The following LRRTM3 variants were observed in gnomAD, a reference collection of about 807,000 sequenced individuals.
LRRTM3 encodes leucine rich repeat transmembrane neuronal 3, also known as leucine-rich repeat transmembrane neuronal protein 3.
LRRTM3 carries 24 observed loss-of-function variants against 44.7 expected under a neutral mutation model. The ratio of observed to expected loss-of-function variants is 0.54; its 90% confidence interval spans 0.39 to 0.76. The LOEUF is 0.76. Among genes scored for constraint, LRRTM3 ranks in the 30% least tolerant of loss-of-function variants. The pLI is 0.00. For synonymous variants in LRRTM3, 277 were observed against 278.7 expected (o/e 0.99, Z 0.06); for missense variants, 587 against 702.2 (o/e 0.84, Z 1.85).
At chr10:67,011,561 A>G (rs942968161) in intron 2 of LRRTM3, among the ~76,000 whole-genome samples, 16 of 152,132 alleles carry the variant, frequency 1.1e-4, no homozygotes, top group African/African-American at 3.9e-4. Context: ...CTATTCCATA[A>G]CATGTACATG....
At chr10:66,966,209 GA>G (rs1849401968) in intron 2 of LRRTM3, among the ~76,000 whole-genome samples, 1 of 152,046 alleles carries the variant, frequency 6.6e-6, no homozygotes, top group South Asian at 2.1e-4. Flanking sequence ...ATTAATAAAC[GA>G]AAACAATTTT....
intron 2 of LRRTM3, among the ~76,000 whole-genome samples, chr10:67,056,943 G>T (rs78031898): frequency 1.3e-5 from 2 of 152,150 alleles, no homozygotes; most frequent in African/African-American, 4.8e-5. Flanking sequence ...GGGTGCAAAA[G>T]AGTGGGAACT....
chr10:67,094,303 A>G (rs898551465), intron 2 of LRRTM3, among the ~76,000 whole-genome samples: 2 of 151,858 alleles, frequency 1.3e-5, no homozygotes, highest in African/African-American at 4.8e-5. Flanking sequence ...TTCTAACGAA[A>G]TAAGTATTTC....
At chr10:67,074,513 G>T (rs1184733004) in intron 2 of LRRTM3, among the ~76,000 whole-genome samples, 1 of 151,542 alleles carries the variant, frequency 6.6e-6, no homozygotes, top group Admixed American at 6.6e-5. Flanking sequence ...ACCACGCCCG[G>T]CTAATTTTCT....
intron 2 of LRRTM3, among the ~76,000 whole-genome samples, chr10:67,003,338 T>C (rs983311345): frequency 6.6e-6 from 1 of 152,150 alleles, no homozygotes; most frequent in Non-Finnish European, 1.5e-5. Flanking sequence ...CTTGAACTAT[T>C]CCTGGCATAA....
intron 2 of LRRTM3, among the ~76,000 whole-genome samples, chr10:67,086,325 T>C (rs114545524): frequency 5.7e-4 from 86 of 152,172 alleles, no homozygotes; most frequent in African/African-American, 2.0e-3. Flanking sequence ...GCATACAGAA[T>C]ATCACTTCAT....
chr10:66,978,948 C>T (rs1007783257), intron 2 of LRRTM3, among the ~76,000 whole-genome samples: 2 of 146,650 alleles, frequency 1.4e-5, no homozygotes, highest in Admixed American at 1.4e-4. Context: ...CCACTCCTCA[C>T]ATACTTATTT....
chr10:67,007,173 C>T (rs141340348), intron 2 of LRRTM3, among the ~76,000 whole-genome samples: 2 of 152,280 alleles, frequency 1.3e-5, no homozygotes, highest in Non-Finnish European at 2.9e-5. Flanking sequence ...GCCTCTGTGA[C>T]TCCTAAACCA....
intron 2 of LRRTM3, among the ~76,000 whole-genome samples, chr10:67,008,233 A>G (rs1852121726): frequency 1.3e-5 from 2 of 152,116 alleles, no homozygotes; most frequent in Admixed American, 1.3e-4. Context: ...GAAGAAATGA[A>G]CATATTAATG....
chr10:67,094,168 T>G (rs771495674), intron 2 of LRRTM3, among the ~76,000 whole-genome samples: 1 of 151,962 alleles, frequency 6.6e-6, no homozygotes, highest in Non-Finnish European at 1.5e-5. Flanking sequence ...AAAGAATAAT[T>G]TTCTCATTAT....
At position 66,949,403 on chromosome 10, in the gene LRRTM3, A is replaced by G. The variant is rs956080385; in HGVS notation, c.1536+20951A>G. 5.8e-4 allele frequency among the ~76,000 whole-genome samples: 88 copies of G among 152,250 alleles called. 1 individual carries two copies. Among genetic ancestry groups the G allele is most frequent in the African/African-American group, 2.0e-3 (82 of 41,570 alleles). On this transcript the variant is annotated intron_variant, in intron 2 of 2. Transcript: ENST00000361320. ...GAAACCCCGTCTCTACTAAAAAAATACAAAATTAGCCTGGCGTGTTGGCAT... is the reference window on the plus strand; with the variant it reads ...GAAACCCCGTCTCTACTAAAAAAATGCAAAATTAGCCTGGCGTGTTGGCAT...
At chr10:67,071,209 G>T (rs1161001077) in intron 2 of LRRTM3, among the ~76,000 whole-genome samples, 1 of 151,980 alleles carries the variant, frequency 6.6e-6, no homozygotes, top group Admixed American at 6.6e-5. Flanking sequence ...CAATCACTCA[G>T]ATATTTCCAA....
chr10:67,062,988 C>T (rs759272486), intron 2 of LRRTM3, among the ~76,000 whole-genome samples: 3 of 151,582 alleles, frequency 2.0e-5, no homozygotes, highest in Admixed American at 6.6e-5. Flanking sequence ...TTTTTCTGAT[C>T]GTTGTCTTTT....
rs181657669 is a variant in LRRTM3, at chr10:67,088,733, A to G, written c.1537-8854A>G. 5.3e-5 allele frequency among the ~76,000 whole-genome samples: 8 copies of G among 152,198 alleles called. No individual in the cohort carries two copies. In the East Asian group the frequency reaches 1.4e-3, roughly 26 times the overall value. Reference sequence around the variant, plus strand: ...AAGTTTTTGCACAAATACCACTAAAAGAATTATTATTATGTTCCTGCAAAA... The same window carrying G: ...AAGTTTTTGCACAAATACCACTAAAGGAATTATTATTATGTTCCTGCAAAA... On this transcript the variant is annotated intron_variant, in intron 2 of 2. Transcript: ENST00000361320.
chr10:67,057,348 C>G (rs186324217), intron 2 of LRRTM3, among the ~76,000 whole-genome samples: 214 of 152,132 alleles, frequency 1.4e-3, no homozygotes, highest in South Asian at 7.3e-3. Context: ...TAACTATAGT[C>G]ACCATGCTGT....
Position 67,057,267 on chromosome 10 carries a change from C to CTG in LRRTM3, c.1537-40309_1537-40308dup, listed in dbSNP as rs568460321. ...ATTAATATATCTATTATGTCACATA[C>CTG]TGTGTGTGTGTGCTGAGAATACTTA... On this transcript the variant is annotated intron_variant, in intron 2 of 2. Transcript: ENST00000361320. Among the ~76,000 whole-genome samples, 23 of 151,958 alleles carry CTG rather than the reference C, an allele frequency of 1.5e-4. 1 individual carries two copies. The highest frequency in any genetic ancestry group is 3.9e-4 in the East Asian group (2 of 5,192).
At chr10:67,067,184 C>T (rs946394250) in intron 2 of LRRTM3, among the ~76,000 whole-genome samples, 15 of 152,122 alleles carry the variant, frequency 9.9e-5, no homozygotes, top group Admixed American at 8.5e-4. Context: ...TCTTAGCAAA[C>T]TATATGGAGA....
intron 2 of LRRTM3, among the ~76,000 whole-genome samples, chr10:67,052,453 A>C (rs1855171254): frequency 6.6e-6 from 1 of 152,200 alleles, no homozygotes; most frequent in South Asian, 2.1e-4. Context: ...TCACAAATAG[A>C]AATTATTCTA....
At chr10:66,955,231 G>C (rs1017684760) in intron 2 of LRRTM3, among the ~76,000 whole-genome samples, 2 of 151,674 alleles carry the variant, frequency 1.3e-5, no homozygotes, top group African/African-American at 4.9e-5. Context: ...ACAGGAAAAT[G>C]GATGTTATAT....
Sources: allele counts gnomAD v4.1 joint callset (sites outside exome capture counted in the v4.1 genomes callset), GRCh38; gene constraint gnomAD v4.1.1; transcripts MANE v1.5; gene names NCBI Gene and HGNC (gene_info 2026-07-23, HGNC 2026-07-21).